Variants in PCDHA6 observed in about 807,000 individuals in gnomAD.
PCDHA6 encodes the protein protocadherin alpha 6, also known as protocadherin alpha-6.
A neutral mutation model predicts 60.3 loss-of-function variants in PCDHA6; 55 were observed. The observed-to-expected ratio is 0.91, with a 90% CI of 0.73 to 1.14. PCDHA6 has a LOEUF of 1.14. PCDHA6 is among the 50% of genes most tolerant of loss of function. PCDHA6 has a pLI of 0.00. For missense variants in PCDHA6, 1,327 were observed against 1,256.5 expected, an observed-to-expected ratio of 1.06 and a Z score of -0.85; for synonymous variants, 652 against 557.9, an observed-to-expected ratio of 1.17 and a Z score of -2.38.
chr5:140,830,668 A>G (rs1269050211), intron 1 of PCDHA6, 183 bp downstream of exon 1: 1 of 382,460 alleles, frequency 2.6e-6, no homozygotes, highest in African/African-American at 2.1e-5. Flanking sequence ...TTTAAGTGAA[A>G]TTAGAAATCA....
At chr5:140,845,025 G>A (rs1779666608) in intron 1 of PCDHA6, among the ~76,000 whole-genome samples, 1 of 149,154 alleles carries the variant, frequency 6.7e-6, no homozygotes, top group African/African-American at 2.5e-5. Flanking sequence ...TCATTTATGG[G>A]CATATTTTAG....
intron 1 of PCDHA6, among the ~76,000 whole-genome samples, chr5:140,961,887 G>GT (rs35680913): frequency 0.069 from 9,857 of 143,718 alleles, 798 homozygotes; most frequent in African/African-American, 0.2. Flanking sequence ...ACTTACATCA[G>GT]TTTTTTTTTT....
rs2150486474 is a variant in PCDHA6, at chr5:140,850,498, C to T, written c.2394+20013C>T. On this transcript the variant is annotated intron_variant, in intron 1 of 3. Coordinates refer to ENST00000529310, the MANE Select transcript of PCDHA6 (RefSeq NM_018909.4). ...ACGGCCACGGCCACTGTGCTGGTGTCGCTGGTGGAGAGCGGCCAGGCGCCA... is the reference window on the plus strand; with the variant it reads ...ACGGCCACGGCCACTGTGCTGGTGTTGCTGGTGGAGAGCGGCCAGGCGCCA... 30 of 1,598,138 alleles carry T rather than the reference C, an allele frequency of 1.9e-5. 3 individuals are homozygous for T. Among genetic ancestry groups the T allele is most frequent in the Non-Finnish European group, 2.6e-5 (30 of 1,167,764 alleles).
Position 140,857,207 on chromosome 5 carries a change from T to C in PCDHA6, c.2394+26722T>C, listed in dbSNP as rs374547664. The C allele has an allele frequency of 2.5e-6, 4 of 1,598,416 alleles. No homozygotes were observed. In the African/African-American group the frequency reaches 5.4e-5, roughly 22 times the overall value. ...AGGAGCCAACGGACAGGTCACCTGC[T>C]CTCTGACGCCTCACGTTCCGTTCAA... is the stretch of plus-strand genomic sequence containing the variant. On this transcript the variant is annotated intron_variant, in intron 1 of 3. Transcript: ENST00000529310.
rs1777904033 is a variant in PCDHA6, at chr5:140,842,379, C to G, written c.2394+11894C>G. 1.9e-6 allele frequency: 3 copies of G among 1,609,878 alleles called. No individual in the cohort carries two copies. In the Admixed American group the frequency reaches 5.0e-5, roughly 27 times the overall value. On this transcript the variant is annotated intron_variant, in intron 1 of 3. Coordinates refer to ENST00000529310, the MANE Select transcript of PCDHA6 (RefSeq NM_018909.4). Reference sequence around the variant, plus strand: ...GATAACGTCCCTGAGATAGCACTGACTTCCTTATCCTTGCCTGTACGTGAA... The same window carrying G: ...GATAACGTCCCTGAGATAGCACTGAGTTCCTTATCCTTGCCTGTACGTGAA...
chr5:140,855,215 A>G (rs1201048316), intron 1 of PCDHA6, among the ~76,000 whole-genome samples: 8 of 150,030 alleles, frequency 5.3e-5, no homozygotes, highest in East Asian at 1.9e-4. Context: ...CCATTTATGA[A>G]GCACTCATTC....
chr5:140,875,817 G>C lies in PCDHA6; in HGVS notation c.2394+45332G>C, dbSNP rs1262566792. 3 of 1,614,090 alleles carry C rather than the reference G, an allele frequency of 1.9e-6. No homozygotes were observed. The highest frequency in any genetic ancestry group is 2.7e-5 in the African/African-American group (2 of 74,930). On this transcript the variant is annotated intron_variant, in intron 1 of 3. Coordinates refer to ENST00000529310, the MANE Select transcript of PCDHA6 (RefSeq NM_018909.4). ...AGGTGATCGTGGACAGGCCGCTGCA[G>C]GTTTTCCATGTGGACGTGGAGGTGA...
At chr5:140,887,961 G>A (rs1311969868) in intron 1 of PCDHA6, among the ~76,000 whole-genome samples, 1 of 151,770 alleles carries the variant, frequency 6.6e-6, no homozygotes, top group African/African-American at 2.4e-5. Flanking sequence ...GATTCTTTTT[G>A]TCTCTTTTAA....
intron 1 of PCDHA6, chr5:140,927,429 C>T: frequency 6.2e-7 from 1 of 1,614,118 alleles, no homozygotes; most frequent in Non-Finnish European, 8.5e-7. Flanking sequence ...GGGTTGACGG[C>T]AGCGAATACC....
At chr5:140,995,214 CTCT>C (rs1563606225) in intron 3 of PCDHA6, among the ~76,000 whole-genome samples, 1 of 152,136 alleles carries the variant, frequency 6.6e-6, no homozygotes, top group East Asian at 1.9e-4. Flanking sequence ...AGGCACAATA[CTCT>C]TGTGCTTTGG....
At chr5:140,858,375 C>T (rs1252920038) in intron 1 of PCDHA6, 4 of 1,587,834 alleles carry the variant, frequency 2.5e-6, no homozygotes, top group Non-Finnish European at 3.4e-6. Flanking sequence ...AGCCTTCCAC[C>T]ATGCCCAATG....
intron 2 of PCDHA6, among the ~76,000 whole-genome samples, chr5:140,980,141 T>C (rs1241352797): frequency 1.3e-5 from 2 of 152,164 alleles, no homozygotes; most frequent in Non-Finnish European, 2.9e-5. Context: ...CCAGAAACAT[T>C]CATGCATATA....
At position 140,829,617 on chromosome 5, in the gene PCDHA6, C is replaced by T. The variant is rs1429736622; in HGVS notation, c.1526C>T (p.Ser509Leu). The T allele has an allele frequency of 6.2e-7, 1 of 1,612,166 alleles. No homozygotes were observed. Among genetic ancestry groups the T allele is most frequent in the East Asian group, 2.2e-5 (1 of 44,870 alleles). Residue 509 changes from serine (S) to leucine (L), a missense_variant, in exon 1 of 4, where the codon TCG (serine) becomes TTG (leucine). Coordinates refer to ENST00000529310, the MANE Select transcript of PCDHA6 (RefSeq NM_018909.4). Reference protein sequence around the residue: ...VGERALSSYISVHAESGKVYA... With the variant: ...VGERALSSYILVHAESGKVYA... Reference sequence around the variant, plus strand: ...GAGCGCGCGTTGTCGAGCTACATTTCGGTGCACGCGGAGAGCGGCAAGGTG... The same window carrying T: ...GAGCGCGCGTTGTCGAGCTACATTTTGGTGCACGCGGAGAGCGGCAAGGTG...
chr5:140,938,014 T>C (rs1554211943), intron 1 of PCDHA6, among the ~76,000 whole-genome samples: 6 of 152,220 alleles, frequency 3.9e-5, no homozygotes. Context: ...TCTTGCTAAA[T>C]AGTAAAATCT....
rs566700844 is a variant in PCDHA6, at chr5:140,926,191, C to T, written c.2395-52758C>T. On this transcript the variant is annotated intron_variant, in intron 1 of 3. Coordinates refer to ENST00000529310, the MANE Select transcript of PCDHA6 (RefSeq NM_018909.4). Reference sequence around the variant, plus strand: ...CCAGCGCGGAAAGCCCCCCGCAGCACTTCTTTCGGGGGGCTCCTGTTTCCT... The same window carrying T: ...CCAGCGCGGAAAGCCCCCCGCAGCATTTCTTTCGGGGGGCTCCTGTTTCCT... Among the ~76,000 whole-genome samples the T allele has an allele frequency of 8.1e-3, 1,227 of 151,838 alleles. 6 individuals carry two copies. Among genetic ancestry groups the T allele is most frequent in the African/African-American group, 0.019 (793 of 41,542 alleles).
At chr5:140,977,730 T>C (rs1478978176) in intron 1 of PCDHA6, among the ~76,000 whole-genome samples, 1 of 152,226 alleles carries the variant, frequency 6.6e-6, no homozygotes, top group Non-Finnish European at 1.5e-5. Flanking sequence ...ATTTCTCTCC[T>C]GGGTGTTATG....
rs1769936182 is a variant in PCDHA6 at position 140,828,775 on chromosome 5, G to A, written c.684G>A (p.Leu228=). The change falls in exon 1 of 4, where the codon CTG becomes CTA. Residue 228 remains leucine, a synonymous_variant. Transcript: ENST00000529310. ...CTGAGCTCACAGGCACTGTTCAGCT[G>A]CTGGTCACAGTGCTGGATGTGAATG... ...GKPELTGTVQ[L]LVTVLDVNDN... 2 of 1,614,158 alleles carry A rather than the reference G, an allele frequency of 1.2e-6. No individual in the cohort carries two copies. The highest frequency in any genetic ancestry group is 2.2e-5 in the South Asian group (2 of 91,084).
rs1190027185 is a variant in PCDHA6, at chr5:140,882,058, C to T, written c.2394+51573C>T. On this transcript the variant is annotated intron_variant, in intron 1 of 3. Transcript: ENST00000529310. ...GAAGACTGAGTCATACTTACACTTA[C>T]ACGTTCATGCGCATGGTGTCGCTCT... is the stretch of plus-strand genomic sequence containing the variant. 1.0e-5 allele frequency: 8 copies of T among 794,854 alleles called. No individual in the cohort carries two copies. The Admixed American group carries it at 2.4e-4, about 24-fold the overall frequency. The allele number at this position is 794,854 out of a possible 1,614,324, so 49.2% of individuals were successfully genotyped here.
intron 1 of PCDHA6, chr5:140,928,068 C>G: frequency 1.2e-6 from 2 of 1,614,214 alleles, no homozygotes; most frequent in South Asian, 2.2e-5. Context: ...CTTCCTTTGA[C>G]AACTACTACA....
Sources: allele counts gnomAD v4.1 joint callset (sites outside exome capture counted in the v4.1 genomes callset), GRCh38; gene constraint gnomAD v4.1.1; transcripts MANE v1.5; gene names NCBI Gene and HGNC (gene_info 2026-07-23, HGNC 2026-07-21).